Variants in CCNH observed in about 807,000 individuals in gnomAD.
CCNH encodes the protein cyclin-H.
A neutral mutation model predicts 41.9 loss-of-function variants in CCNH; 31 were observed. That is an observed-to-expected ratio of 0.74 (90% CI 0.56 to 1.00). The LOEUF is 1.00. Among genes scored for constraint, CCNH ranks in the 50% least tolerant of loss-of-function variants. CCNH has a pLI of 0.00. For synonymous variants in CCNH, 138 were observed against 136.1 expected (o/e 1.01, Z -0.10); for missense variants, 362 against 388.4 (o/e 0.93, Z 0.57).
intron 5 of CCNH, among the ~76,000 whole-genome samples, chr5:87,403,604 C>T (rs1763575642): frequency 6.6e-6 from 1 of 152,078 alleles, no homozygotes; most frequent in Non-Finnish European, 1.5e-5. Context: ...CATAGGGAAA[C>T]CCCAACTCTA....
intron 4 of CCNH, 68 bp downstream of exon 4, chr5:87,407,907 AT>A: frequency 8.3e-7 from 1 of 1,209,546 alleles, no homozygotes; most frequent in South Asian, 1.3e-5. Flanking sequence ...GAGTTTTAAA[AT>A]TTTGGATTCT....
In CCNH at chr5:87,356,145, A is replaced by G. The variant is rs1273269788; in HGVS notation, c.*90+36625T>C. On this transcript the variant is annotated intron_variant and NMD_transcript_variant, in intron 9 of 9. Transcript: ENST00000645953. ...AAAGCAGCAAGAGGGTTTGGGAGGA[A>G]TGCTTCCAGTTTTGAAAGAAGTTCA... 2.6e-5 allele frequency among the ~76,000 whole-genome samples: 4 copies of G among 152,184 alleles called. No homozygotes were observed. In the East Asian group the frequency reaches 5.8e-4, roughly 22 times the overall value.
intron 9 of CCNH, chr5:87,341,292 C>G: frequency 7.4e-7 from 1 of 1,345,938 alleles, no homozygotes; most frequent in Non-Finnish European, 9.6e-7. Flanking sequence ...CCCTTTAGGG[C>G]CGGGAAGAAG....
At chr5:87,332,417 A>G in intron 9 of CCNH, 1 of 1,315,850 alleles carries the variant, frequency 7.6e-7, no homozygotes, top group Non-Finnish European at 1.1e-6. Flanking sequence ...AGAGTATGGA[A>G]ATTATGGATT....
intron 9 of CCNH, among the ~76,000 whole-genome samples, chr5:87,356,828 G>A (rs1759688674): frequency 6.6e-6 from 1 of 152,108 alleles, no homozygotes. Context: ...TTATTGTGGT[G>A]GTCTGGAGCC....
chr5:87,354,441 C>T (rs1759503337), intron 9 of CCNH, among the ~76,000 whole-genome samples: 1 of 152,050 alleles, frequency 6.6e-6, no homozygotes, highest in Non-Finnish European at 1.5e-5. Flanking sequence ...TTTAATGTTA[C>T]TATTGCAATT....
intron 9 of CCNH, among the ~76,000 whole-genome samples, chr5:87,327,810 C>G (rs1030816400): frequency 6.6e-6 from 1 of 151,992 alleles, no homozygotes; most frequent in Non-Finnish European, 1.5e-5. Flanking sequence ...ACTAAAAATA[C>G]AAAAGTTAGC....
Position 87,394,729 on chromosome 5 carries a change from A to AGAT in CCNH, c.934-248_934-246dup, listed in dbSNP as rs879171252. 3.2e-4 allele frequency: 420 copies of AGAT among 1,325,460 alleles called. 5 individuals are homozygous for AGAT. In the South Asian group the frequency reaches 6.7e-3, roughly 21 times the overall value. The allele number at this position is 1,325,460 out of a possible 1,614,324, so 82.1% of individuals were successfully genotyped here. On this transcript the variant is annotated intron_variant, in intron 8 of 8. Coordinates refer to ENST00000256897, the MANE Select transcript of CCNH (RefSeq NM_001239.4). Reference sequence around the variant, plus strand: ...TGATTATTCACTTATTTGACTTGACAGATAGAAAATTTTTTTTAAAAGGGG... The same window carrying AGAT: ...TGATTATTCACTTATTTGACTTGACAGATGATAGAAAATTTTTTTTAAAAGGGG...
At chr5:87,408,222 TGGGTG>T in intron 3 of CCNH, 36 bp from the exon 4 acceptor site, 1 of 665,136 alleles carries the variant, frequency 1.5e-6, no homozygotes, top group Non-Finnish European at 2.5e-6. Context: ...AGGCAGGGGG[TGGGTG>T]GGGTGGAAGA....
intron 9 of CCNH, among the ~76,000 whole-genome samples, chr5:87,384,291 T>C (rs2112510541): frequency 6.6e-6 from 1 of 152,262 alleles, no homozygotes; most frequent in South Asian, 2.1e-4. Flanking sequence ...TCAGTAAACC[T>C]GATCCAGTTT....
At chr5:87,361,691 A>G (rs1236053158) in intron 9 of CCNH, among the ~76,000 whole-genome samples, 1 of 152,188 alleles carries the variant, frequency 6.6e-6, no homozygotes, top group African/African-American at 2.4e-5. Flanking sequence ...AATGTAACAT[A>G]TGCATTCCTA....
intron 9 of CCNH, among the ~76,000 whole-genome samples, chr5:87,341,039 T>C (rs996115073): frequency 2.0e-5 from 3 of 151,344 alleles, no homozygotes; most frequent in African/African-American, 7.3e-5. Context: ...AGTGGTGGAG[T>C]AGGACATAAT....
downstream of CCNH, chr5:87,389,429 A>G: frequency 6.2e-7 from 1 of 1,614,190 alleles, no homozygotes; most frequent in Non-Finnish European, 8.5e-7. Flanking sequence ...AGAGCATTCT[A>G]GAACGGACCT....
At chr5:87,399,678 C>T (rs1042774387) in intron 6 of CCNH, among the ~76,000 whole-genome samples, 173 bp from the exon 7 acceptor site, 1 of 152,202 alleles carries the variant, frequency 6.6e-6, no homozygotes, top group Non-Finnish European at 1.5e-5. Context: ...CCAATAAGCA[C>T]TGTATGTTTA....
rs142945446 is a variant in CCNH, at chr5:87,403,274, C to T, written c.690-1502G>A. Among the ~76,000 whole-genome samples the T allele has an allele frequency of 2.9e-4, 43 of 148,670 alleles. 1 individual carries two copies. The East Asian group carries it at 6.7e-3, about 23-fold the overall frequency. ...CAATGTCTAGTCTCTGGGAATGTTA[C>T]GAAAGCCTATTAAATTTGCAAGGAG... On this transcript the variant is annotated intron_variant, in intron 5 of 8. Transcript: ENST00000256897.
intron 9 of CCNH, chr5:87,331,255 C>T (rs761034958): frequency 7.9e-7 from 1 of 1,268,944 alleles, no homozygotes; most frequent in Non-Finnish European, 1.2e-6. Flanking sequence ...TACATGTAGG[C>T]ATTTAAAACC....
At chr5:87,412,388 G>A in intron 1 of CCNH, 2 of 1,167,268 alleles carry the variant, frequency 1.7e-6, no homozygotes, top group Non-Finnish European at 2.1e-6. Flanking sequence ...ATCATCTCTT[G>A]ACAAGTGAAC....
chr5:87,347,698 TTAAG>T (rs1292776798), intron 9 of CCNH, among the ~76,000 whole-genome samples: 1 of 151,936 alleles, frequency 6.6e-6, no homozygotes, highest in Non-Finnish European at 1.5e-5. Context: ...AAGCTGTAGG[TTAAG>T]TAGGTTCAAA....
intron 9 of CCNH, among the ~76,000 whole-genome samples, chr5:87,355,486 C>T (rs1295393715): frequency 6.6e-6 from 1 of 152,140 alleles, no homozygotes; most frequent in Non-Finnish European, 1.5e-5. Flanking sequence ...ACCTACTGCT[C>T]AGAACAAACA....
Sources: allele counts gnomAD v4.1 joint callset (sites outside exome capture counted in the v4.1 genomes callset), GRCh38; gene constraint gnomAD v4.1.1; transcripts MANE v1.5; gene names NCBI Gene and HGNC (gene_info 2026-07-23, HGNC 2026-07-21).